DLG2: variants seen among roughly 807,000 people sequenced by gnomAD.
DLG2 encodes discs large MAGUK scaffold protein 2, also known as disks large homolog 2.
Under a neutral mutation model 132.5 loss-of-function variants are expected in DLG2, and 45 were observed. The observed-to-expected ratio is 0.34, with a 90% CI of 0.27 to 0.44. The LOEUF (loss-of-function observed/expected upper bound fraction) is 0.44, where lower values mean the gene tolerates loss of function less well. Ranked by LOEUF, DLG2 falls within the 20% of genes least tolerant of loss-of-function variation. DLG2 has a pLI of 1.00. For synonymous variants in DLG2, 424 were observed against 419.6 expected (o/e 1.01, Z -0.13); for missense variants, 1,045 against 1,196.9 (o/e 0.87, Z 1.87).
chr11:85,372,909 C>T (rs1475489165), intron 3 of DLG2, among the ~76,000 whole-genome samples: 1 of 152,182 alleles, frequency 6.6e-6, no homozygotes, highest in African/African-American at 2.4e-5. Flanking sequence ...AGATGGGTAG[C>T]CACTCACCTT....
At chr11:85,578,848 A>T (rs1200928388) in intron 3 of DLG2, among the ~76,000 whole-genome samples, 1 of 152,228 alleles carries the variant, frequency 6.6e-6, no homozygotes, top group Admixed American at 6.5e-5. Context: ...ATAAAGACAG[A>T]AATACCATTT....
At chr11:84,030,934 G>A (rs2095672388) in intron 11 of DLG2, among the ~76,000 whole-genome samples, 1 of 152,134 alleles carries the variant, frequency 6.6e-6, no homozygotes, top group African/African-American at 2.4e-5. Flanking sequence ...TGGACCAGTG[G>A]AAGCTCAGGG....
chr11:84,103,649 T>G (rs1165426202), intron 9 of DLG2, among the ~76,000 whole-genome samples: 1 of 152,144 alleles, frequency 6.6e-6, no homozygotes, highest in South Asian at 2.1e-4. Context: ...AAACCCATTT[T>G]CTAGCCAAAT....
intron 3 of DLG2, among the ~76,000 whole-genome samples, chr11:85,412,637 G>A (rs914012315): frequency 6.7e-6 from 1 of 150,264 alleles, no homozygotes; most frequent in African/African-American, 2.4e-5. Context: ...TTCATTCTAT[G>A]TAATTTCACT....
At chr11:85,582,709 G>C (rs538304755) in intron 3 of DLG2, among the ~76,000 whole-genome samples, 2 of 69,934 alleles carry the variant, frequency 2.9e-5, no homozygotes, top group African/African-American at 4.5e-5. Flanking sequence ...AAAAAAACTC[G>C]TGCAGCAACT....
chr11:85,402,906 A>C (rs1447053589), intron 3 of DLG2, among the ~76,000 whole-genome samples: 1 of 152,208 alleles, frequency 6.6e-6, no homozygotes, highest in African/African-American at 2.4e-5. Context: ...ACTGTAAATT[A>C]GTTCAACCAT....
chr11:83,904,377 G>A (rs906386293), intron 15 of DLG2, among the ~76,000 whole-genome samples: 4 of 132,310 alleles, frequency 3.0e-5, no homozygotes, highest in African/African-American at 1.2e-4. Context: ...TAAGCACAAT[G>A]TGACAATTTG....
At chr11:83,936,742 C>T (rs1369326164) in intron 14 of DLG2, among the ~76,000 whole-genome samples, 1 of 152,106 alleles carries the variant, frequency 6.6e-6, no homozygotes, top group Non-Finnish European at 1.5e-5. Context: ...TCTCTCACGG[C>T]AGTGGGTTGT....
rs563654639 is a variant in DLG2, at chr11:84,989,258, C to T, written c.357+122403G>A. ...TGGTGTAATCTCAGCTCACTGCAAC[C>T]TCTGACCCCCAGGTTCAAGCAATTC... On this transcript the variant is annotated intron_variant, in intron 6 of 27. Coordinates refer to ENST00000376104, the MANE Select transcript of DLG2 (RefSeq NM_001142699.3). Among the ~76,000 whole-genome samples the T allele has an allele frequency of 9.1e-4, 139 of 152,270 alleles. No homozygotes were observed. The Middle Eastern group carries it at 0.01, about 11-fold the overall frequency.
chr11:83,516,964 C>T (rs1207852452), intron 21 of DLG2, among the ~76,000 whole-genome samples: 1 of 152,070 alleles, frequency 6.6e-6, no homozygotes, highest in Admixed American at 6.5e-5. Flanking sequence ...ACATTTTTTT[C>T]TTCATTACAA....
chr11:85,477,870 TTTG>T, intron 3 of DLG2, among the ~76,000 whole-genome samples: 1 of 152,198 alleles, frequency 6.6e-6, no homozygotes, highest in South Asian at 2.1e-4. Flanking sequence ...TAGCGTTTCT[TTTG>T]TTCTTTCAAA....
intron 4 of DLG2, 52 bp from the exon 5 acceptor site, chr11:85,154,703 A>G: frequency 3.4e-6 from 3 of 883,960 alleles, no homozygotes; most frequent in Non-Finnish European, 3.5e-6. Flanking sequence ...TCTGCAATGT[A>G]TATTGTTTTC....
chr11:85,015,804 C>T (rs1408211307), intron 6 of DLG2, among the ~76,000 whole-genome samples: 1 of 152,070 alleles, frequency 6.6e-6, no homozygotes, highest in Non-Finnish European at 1.5e-5. Context: ...TTATATGGAA[C>T]TTCGTGCCAT....
In DLG2 at chr11:85,317,194, G is replaced by A. The variant is rs116273548; in HGVS notation, c.41-31829C>T. ...GGATCTGAGAGAAAGCCAGTGTGGC[G>A]TGACAACAACTAAAAGAGGATGTGG... is the stretch of plus-strand genomic sequence containing the variant. On this transcript the variant is annotated intron_variant, in intron 3 of 27. Coordinates refer to ENST00000376104, the MANE Select transcript of DLG2 (RefSeq NM_001142699.3). 5.8e-3 allele frequency among the ~76,000 whole-genome samples: 887 copies of A among 152,058 alleles called. 10 individuals are homozygous for A. Among genetic ancestry groups the A allele is most frequent in the African/African-American group, 0.02 (820 of 41,542 alleles).
intron 21 of DLG2, among the ~76,000 whole-genome samples, chr11:83,507,751 ATTTT>A (rs1403225097): frequency 8.3e-5 from 10 of 121,012 alleles, no homozygotes; most frequent in African/African-American, 2.8e-4. Flanking sequence ...TTACATATAT[ATTTT>A]TATTATATAT....
At chr11:85,557,633 A>C (rs974837355) in intron 3 of DLG2, among the ~76,000 whole-genome samples, 2 of 151,844 alleles carry the variant, frequency 1.3e-5, no homozygotes, top group African/African-American at 4.8e-5. Context: ...CAGAATAAAG[A>C]ACTCAGAAAT....
chr11:85,469,805 AG>A (rs1472721206), intron 3 of DLG2: 2 of 152,324 alleles, frequency 1.3e-5, no homozygotes, highest in African/African-American at 4.8e-5. Flanking sequence ...GGCCAGTTGA[AG>A]GGAATCAGTA....
At chr11:84,127,087 A>T (rs948968283) in intron 9 of DLG2, among the ~76,000 whole-genome samples, 4 of 152,208 alleles carry the variant, frequency 2.6e-5, no homozygotes, top group African/African-American at 9.6e-5. Context: ...TCCAAAGTAA[A>T]CAATTTTTGT....
chr11:84,382,342 T>C (rs1264256208), intron 7 of DLG2, among the ~76,000 whole-genome samples: 1 of 152,128 alleles, frequency 6.6e-6, no homozygotes, highest in African/African-American at 2.4e-5. Flanking sequence ...TCAGGCCAGT[T>C]TCTGCTAATG....
Sources: allele counts gnomAD v4.1 joint callset (sites outside exome capture counted in the v4.1 genomes callset), GRCh38; gene constraint gnomAD v4.1.1; transcripts MANE v1.5; gene names NCBI Gene and HGNC (gene_info 2026-07-23, HGNC 2026-07-21).